The following NRG3 variants were observed in gnomAD, a reference collection of about 807,000 sequenced individuals.
NRG3 encodes the protein pro-neuregulin-3, membrane-bound isoform.
In NRG3, 31 loss-of-function variants were observed where a neutral mutation model predicts 66.9. The ratio of observed to expected loss-of-function variants is 0.46; its 90% CI spans 0.35 to 0.63. NRG3 has a LOEUF of 0.63. Ranked by LOEUF, NRG3 falls within the 20% of genes least tolerant of loss-of-function variation. The pLI is 0.00. For missense variants in NRG3, 910 were observed against 878.9 expected (o/e 1.04, Z -0.45); for synonymous variants, 393 against 359.4 (o/e 1.09, Z -1.06).
At chr10:81,878,656 A>G (rs553480663) in intron 1 of NRG3, among the ~76,000 whole-genome samples, 4 of 152,232 alleles carry the variant, frequency 2.6e-5, no homozygotes, top group South Asian at 4.1e-4. Flanking sequence ...TCTTTTCCCC[A>G]GCTCCTACCT....
intron 1 of NRG3, among the ~76,000 whole-genome samples, chr10:82,062,423 T>C (rs1460893748): frequency 6.6e-6 from 1 of 151,974 alleles, no homozygotes; most frequent in Non-Finnish European, 1.5e-5. Flanking sequence ...CTGGCCAACA[T>C]GGTGAAACCC....
chr10:82,510,097 G>A (rs572926122), intron 2 of NRG3, among the ~76,000 whole-genome samples: 77 of 152,098 alleles, frequency 5.1e-4, no homozygotes, highest in African/African-American at 1.8e-3. Context: ...ACCATTTTCA[G>A]TGAAATATTT....
chr10:82,211,128 T>C (rs2075372610), intron 1 of NRG3, among the ~76,000 whole-genome samples: 1 of 152,164 alleles, frequency 6.6e-6, no homozygotes, highest in African/African-American at 2.4e-5. Flanking sequence ...CTTTGGAAGA[T>C]AATATTAAAA....
chr10:82,271,542 C>A (rs974673434), intron 1 of NRG3, among the ~76,000 whole-genome samples: 1 of 152,010 alleles, frequency 6.6e-6, no homozygotes, highest in African/African-American at 2.4e-5. Context: ...ATCCCATATT[C>A]CTATATTCAC....
chr10:82,412,831 T>TAACA (rs747204131), intron 2 of NRG3, among the ~76,000 whole-genome samples: 3 of 151,146 alleles, frequency 2.0e-5, no homozygotes, highest in Admixed American at 6.6e-5. Context: ...AGATTTCATC[T>TAACA]AACAAACAAA....
intron 1 of NRG3, among the ~76,000 whole-genome samples, chr10:81,881,947 A>G (rs1341104975): frequency 6.6e-6 from 1 of 152,068 alleles, no homozygotes; most frequent in African/African-American, 2.4e-5. Flanking sequence ...TTTCTTGTCT[A>G]TATGATTCAG....
intron 1 of NRG3, among the ~76,000 whole-genome samples, chr10:82,098,912 C>T (rs539318732): frequency 3.3e-5 from 5 of 151,958 alleles, no homozygotes; most frequent in East Asian, 1.9e-4. Flanking sequence ...TGCAGGTGCC[C>T]GCCACCATGC....
intron 2 of NRG3, among the ~76,000 whole-genome samples, chr10:82,666,901 G>A (rs1057449205): frequency 1.3e-5 from 2 of 152,158 alleles, no homozygotes; most frequent in African/African-American, 4.8e-5. Context: ...TTTAATAAAT[G>A]CATGATACAT....
intron 2 of NRG3, among the ~76,000 whole-genome samples, chr10:82,549,195 A>G (rs962569952): frequency 6.6e-6 from 1 of 152,208 alleles, no homozygotes; most frequent in Admixed American, 6.5e-5. Flanking sequence ...CATGTGTAAA[A>G]CACAAAGGAT....
chr10:82,451,579 C>G (rs1020577757), intron 2 of NRG3, among the ~76,000 whole-genome samples: 1 of 152,128 alleles, frequency 6.6e-6, no homozygotes, highest in Non-Finnish European at 1.5e-5. Context: ...TTACATTCAT[C>G]TCAACAAGTA....
chr10:81,926,677 C>G (rs1846824897), intron 1 of NRG3, among the ~76,000 whole-genome samples: 1 of 152,004 alleles, frequency 6.6e-6, no homozygotes, highest in South Asian at 2.1e-4. Context: ...ATTAACCCTG[C>G]CTTCCCAAAT....
chr10:82,376,168 G>A (rs553301299), intron 2 of NRG3, among the ~76,000 whole-genome samples: 3 of 152,112 alleles, frequency 2.0e-5, no homozygotes, highest in Non-Finnish European at 2.9e-5. Context: ...CTGAACGTGC[G>A]TCTGGCCTTA....
intron 2 of NRG3, among the ~76,000 whole-genome samples, chr10:82,564,535 G>A (rs2045264148): frequency 6.6e-6 from 1 of 152,050 alleles, no homozygotes; most frequent in Non-Finnish European, 1.5e-5. Context: ...CTGATATGTG[G>A]TTGGGATAAA....
intron 1 of NRG3, among the ~76,000 whole-genome samples, chr10:82,062,586 C>T (rs892083868): frequency 1.4e-5 from 2 of 145,132 alleles, no homozygotes; most frequent in African/African-American, 2.6e-5. Context: ...AGCCTAGGGG[C>T]AGAGCAAGAC....
intron 2 of NRG3, among the ~76,000 whole-genome samples, chr10:82,606,726 C>T (rs913833572): frequency 6.6e-6 from 1 of 152,144 alleles, no homozygotes; most frequent in African/African-American, 2.4e-5. Context: ...ACACTAACCA[C>T]CTGCTCCTTC....
intron 2 of NRG3, among the ~76,000 whole-genome samples, chr10:82,388,091 T>C (rs2086122336): frequency 6.6e-6 from 1 of 152,180 alleles, no homozygotes; most frequent in Non-Finnish European, 1.5e-5. Flanking sequence ...ACATATATCC[T>C]AGTATCATAA....
At chr10:82,393,919 G>T (rs1040849005) in intron 2 of NRG3, among the ~76,000 whole-genome samples, 1 of 152,152 alleles carries the variant, frequency 6.6e-6, no homozygotes, top group Non-Finnish European at 1.5e-5. Context: ...AGGGTATTTT[G>T]TGTGGTCAGA....
chr10:82,634,579 A>G (rs2050060126), intron 2 of NRG3, among the ~76,000 whole-genome samples: 2 of 152,214 alleles, frequency 1.3e-5, no homozygotes, highest in Admixed American at 6.5e-5. Flanking sequence ...AAGAGAGCCA[A>G]TGCTTTCCTC....
At chr10:82,890,300 C>A (rs1488635223) in intron 4 of NRG3, among the ~76,000 whole-genome samples, 1 of 151,938 alleles carries the variant, frequency 6.6e-6, no homozygotes, top group Admixed American at 6.6e-5. Flanking sequence ...AGGAAAAGAA[C>A]GGTGCTGATT....
Sources: gnomAD v4.1 joint callset for allele counts (sites outside exome capture counted in the v4.1 genomes callset) on GRCh38, gnomAD v4.1.1 for gene constraint, MANE v1.5 for transcripts, NCBI Gene and HGNC (gene_info 2026-07-23, HGNC 2026-07-21) for gene names.